Variants in RBFOX1 observed in about 807,000 individuals in gnomAD.
RBFOX1 encodes RNA binding fox-1 homolog 1.
RBFOX1 carries 8 observed loss-of-function variants against 57.7 expected under a neutral mutation model. That is an observed-to-expected ratio of 0.14 (90% CI 0.08 to 0.25). The LOEUF is 0.25. Ranked by LOEUF, RBFOX1 falls within the 10% of genes least tolerant of loss-of-function variation. The probability of loss-of-function intolerance (pLI) is 1.00; values close to 1 mark genes in which losing one functional copy is unlikely to be tolerated. For synonymous variants in RBFOX1, 326 were observed against 222.4 expected (o/e 1.47, Z -4.15); for missense variants, 611 against 548.5 (o/e 1.11, Z -1.14).
rs372166639 is a variant in RBFOX1, at chr16:5,307,311, C to T, written c.219+67206C>T. Among the ~76,000 whole-genome samples, 29 of 152,310 alleles carry T rather than the reference C, an allele frequency of 1.9e-4. 1 individual carries two copies. Among genetic ancestry groups the T allele is most frequent in the African/African-American group, 5.1e-4 (21 of 41,572 alleles). On this transcript the variant is annotated intron_variant, in intron 1 of 2. Transcript: ENST00000585867. ...GGTGTGCAAACCTGGTTTTACTTCT[C>T]TTGAATCTGCTTCACACCCACCTGC... is the stretch of plus-strand genomic sequence containing the variant.
intron 1 of RBFOX1, among the ~76,000 whole-genome samples, chr16:5,310,999 C>T (rs2064072313): frequency 6.6e-6 from 1 of 152,094 alleles, no homozygotes; most frequent in South Asian, 2.1e-4. Flanking sequence ...CCCCACTACC[C>T]CTGCTTCTGA....
chr16:5,453,666 T>C (rs2068496238), intron 1 of RBFOX1, among the ~76,000 whole-genome samples: 1 of 152,204 alleles, frequency 6.6e-6, no homozygotes, highest in Non-Finnish European at 1.5e-5. Flanking sequence ...AGTAATGGCA[T>C]CCAAAGCACA....
At chr16:6,548,503 C>T (rs1330782643) in intron 2 of RBFOX1, among the ~76,000 whole-genome samples, 1 of 152,168 alleles carries the variant, frequency 6.6e-6, no homozygotes, top group Admixed American at 6.5e-5. Context: ...TTCAGAATTT[C>T]TTCAGTTCCA....
At chr16:6,645,687 A>G (rs1158931338) in intron 2 of RBFOX1, among the ~76,000 whole-genome samples, 2 of 152,178 alleles carry the variant, frequency 1.3e-5, no homozygotes, top group African/African-American at 2.4e-5. Context: ...CATGTTTTTA[A>G]GTTCTCAATG....
At chr16:7,552,709 G>A (rs189432773) in intron 5 of RBFOX1, among the ~76,000 whole-genome samples, 53 of 152,196 alleles carry the variant, frequency 3.5e-4, no homozygotes, top group African/African-American at 1.2e-3. Context: ...TTGCAATGGA[G>A]TGTTACTCTG....
chr16:6,727,076 G>C (rs146059900), intron 3 of RBFOX1, among the ~76,000 whole-genome samples: 7,414 of 23,208 alleles, frequency 0.32, 307 homozygotes, highest in Middle Eastern at 0.5. Context: ...GACACAGAGA[G>C]AGACACACAA....
rs571148743 is a variant in RBFOX1 at position 6,914,169 on chromosome 16, T to A, written c.-15-137888T>A. On this transcript the variant is annotated intron_variant, in intron 3 of 15. Transcript: ENST00000550418. ...GAACATAATGAGTGCATTTCTGATTTCAGACCAGATCATCATTTCCTTCTA... is the reference window on the plus strand; with the variant it reads ...GAACATAATGAGTGCATTTCTGATTACAGACCAGATCATCATTTCCTTCTA... Among the ~76,000 whole-genome samples, 28 of 152,342 alleles carry A rather than the reference T, an allele frequency of 1.8e-4. No homozygotes were observed. In the South Asian group the frequency reaches 5.0e-3, roughly 27 times the overall value.
intron 4 of RBFOX1, among the ~76,000 whole-genome samples, chr16:7,127,039 A>G (rs529858350): frequency 2.6e-5 from 4 of 150,966 alleles, no homozygotes; most frequent in Non-Finnish European, 4.4e-5. Flanking sequence ...ATTATTGCAG[A>G]CCTAAGAGAA....
intron 2 of RBFOX1, among the ~76,000 whole-genome samples, chr16:5,478,823 C>T (rs2069421238): frequency 6.6e-6 from 1 of 152,066 alleles, no homozygotes; most frequent in African/African-American, 2.4e-5. Context: ...CATTTATAGG[C>T]CCTACTCCCT....
chr16:5,645,740 A>G (rs548936269), intron 3 of RBFOX1, among the ~76,000 whole-genome samples: 1 of 152,240 alleles, frequency 6.6e-6, no homozygotes, highest in Non-Finnish European at 1.5e-5. Context: ...ATCAGAGCTG[A>G]CTGTAGCCTC....
intron 3 of RBFOX1, among the ~76,000 whole-genome samples, chr16:6,812,839 A>T (rs1419016781): frequency 6.6e-6 from 1 of 152,214 alleles, no homozygotes; most frequent in African/African-American, 2.4e-5. Flanking sequence ...AGTACCATAG[A>T]AGATGGAGCA....
chr16:5,643,788 A>G (rs1401415246), intron 3 of RBFOX1, among the ~76,000 whole-genome samples: 1 of 152,136 alleles, frequency 6.6e-6, no homozygotes, highest in Non-Finnish European at 1.5e-5. Flanking sequence ...CTTTCCATCC[A>G]CTACTGTCCC....
At position 5,317,090 on chromosome 16, in the gene RBFOX1, G is replaced by C. The variant is rs567343442; in HGVS notation, c.219+76985G>C. Reference sequence around the variant, plus strand: ...GCTCTCAGGCCTTTGGACTTGGACTGAGCCACACTACCATCTTCCCTGGTT... The same window carrying C: ...GCTCTCAGGCCTTTGGACTTGGACTCAGCCACACTACCATCTTCCCTGGTT... On this transcript the variant is annotated intron_variant, in intron 1 of 2. Transcript: ENST00000585867. 1.6e-4 allele frequency among the ~76,000 whole-genome samples: 25 copies of C among 152,282 alleles called. No individual in the cohort carries two copies. In the South Asian group the frequency reaches 3.5e-3, roughly 21 times the overall value.
intron 3 of RBFOX1, among the ~76,000 whole-genome samples, chr16:6,805,837 C>G (rs1416695794): frequency 6.6e-6 from 1 of 152,164 alleles, no homozygotes; most frequent in Non-Finnish European, 1.5e-5. Context: ...GCATCTATCT[C>G]CGCCTTTCTC....
intron 2 of RBFOX1, among the ~76,000 whole-genome samples, chr16:6,583,967 AAAAC>A (rs2097571145): frequency 6.6e-6 from 1 of 151,664 alleles, no homozygotes; most frequent in Non-Finnish European, 1.5e-5. Context: ...AGAAAGCTGA[AAAAC>A]AAATAAACAA....
chr16:7,511,235 T>C (rs892301118), intron 4 of RBFOX1, among the ~76,000 whole-genome samples: 17 of 152,226 alleles, frequency 1.1e-4, no homozygotes, highest in African/African-American at 3.6e-4. Flanking sequence ...TTACCTTCAA[T>C]TTTGAGCCAA....
chr16:7,202,592 C>T (rs1280852648), intron 4 of RBFOX1, among the ~76,000 whole-genome samples: 1 of 152,200 alleles, frequency 6.6e-6, no homozygotes, highest in African/African-American at 2.4e-5. Context: ...AGCAAAGCTT[C>T]TTCTGTATTT....
intron 4 of RBFOX1, among the ~76,000 whole-genome samples, chr16:7,291,503 C>A (rs1339691893): frequency 1.3e-5 from 2 of 152,182 alleles, no homozygotes; most frequent in East Asian, 1.9e-4. Flanking sequence ...ATTTGGGAAC[C>A]AATTGACTAT....
intron 1 of RBFOX1, among the ~76,000 whole-genome samples, chr16:6,299,298 A>G (rs1464321243): frequency 6.6e-6 from 1 of 152,198 alleles, no homozygotes; most frequent in African/African-American, 2.4e-5. Flanking sequence ...TGTGATAACC[A>G]TGTTATTTAC....
Sources: allele counts gnomAD v4.1 joint callset (sites outside exome capture counted in the v4.1 genomes callset), GRCh38; gene constraint gnomAD v4.1.1; transcripts MANE v1.5; gene names NCBI Gene and HGNC (gene_info 2026-07-23, HGNC 2026-07-21).